The following NADSYN1 variants were observed in gnomAD, a reference collection of about 807,000 sequenced individuals.
NADSYN1 encodes NAD synthetase 1, also known as glutamine-dependent NAD(+) synthetase.
NADSYN1 carries 80 observed loss-of-function variants against 99.3 expected under a neutral mutation model. The ratio of observed to expected loss-of-function variants is 0.81; its 90% CI spans 0.67 to 0.97. The LOEUF (loss-of-function observed/expected upper bound fraction) is 0.97, where lower values mean the gene tolerates loss of function less well. NADSYN1 is among the 50% of genes least tolerant of loss of function. The pLI, the probability that NADSYN1 is intolerant of heterozygous loss-of-function variation, is 0.00. For missense variants in NADSYN1, 859 were observed against 948.5 expected (o/e 0.91, Z 1.24); for synonymous variants, 385 against 372.1 (o/e 1.03, Z -0.40).
chr11:71,492,487 G>A (rs1049744656), intron 18 of NADSYN1, among the ~76,000 whole-genome samples: 1 of 152,172 alleles, frequency 6.6e-6, no homozygotes, highest in Non-Finnish European at 1.5e-5. Flanking sequence ...TCCTTTGCAT[G>A]GGAATATCCA....
chr11:71,458,658 A>G, intron 3 of NADSYN1, 114 bp downstream of exon 3: 1 of 754,416 alleles, frequency 1.3e-6, no homozygotes, highest in Non-Finnish European at 2.3e-6. Flanking sequence ...GTCCAGGGAT[A>G]CGAAAGGCCT....
intron 17 of NADSYN1, 105 bp from the exon 18 acceptor site, chr11:71,491,729 T>C: frequency 9.8e-7 from 1 of 1,021,326 alleles, no homozygotes; most frequent in East Asian, 2.5e-5. Context: ...GTGAACGGAG[T>C]GGCCGGGACC....
chr11:71,457,996 A>C (rs983020650), intron 2 of NADSYN1, among the ~76,000 whole-genome samples: 2 of 152,300 alleles, frequency 1.3e-5, no homozygotes, highest in African/African-American at 2.4e-5. Flanking sequence ...CATCTGTAGC[A>C]AGAAACACAG....
chr11:71,474,605 G>A, intron 9 of NADSYN1, 79 bp downstream of exon 9: 1 of 1,590,936 alleles, frequency 6.3e-7, no homozygotes, highest in Non-Finnish European at 8.6e-7. Flanking sequence ...CTGTAAGCCG[G>A]GTGCTTAGTG....
In NADSYN1 at chr11:71,482,007, G is replaced by A. The variant is rs766035231; in HGVS notation, c.1132G>A (p.Glu378Lys). 5.6e-6 allele frequency: 9 copies of A among 1,611,526 alleles called. No individual in the cohort carries two copies. Among genetic ancestry groups the A allele is most frequent in the Middle Eastern group, 1.7e-4 (1 of 6,054 alleles). The change falls in exon 13 of 21, where the codon GAG becomes AAG. Residue 378 changes from glutamate (E) to lysine (K), a missense_variant. Transcript: ENST00000319023. ...CTACTCCATGTGCTGCCAGGTCTGCGAGGCCGTGAGGAGTGGAAGTAGGTG... is the reference window on the plus strand; with the variant it reads ...CTACTCCATGTGCTGCCAGGTCTGCAAGGCCGTGAGGAGTGGAAGTAGGTG... Reference protein sequence around the residue: ...LIYSMCCQVCEAVRSGNEEVL... With the variant: ...LIYSMCCQVCKAVRSGNEEVL...
intron 9 of NADSYN1, chr11:71,475,290 G>C (rs1374599847): frequency 6.5e-6 from 1 of 154,308 alleles, no homozygotes; most frequent in African/African-American, 2.4e-5. Context: ...GGAGACCCCA[G>C]GACACTCTGG....
At chr11:71,482,683 G>A (rs1460075632) in intron 13 of NADSYN1, 166 bp from the exon 14 acceptor site, 20 of 539,076 alleles carry the variant, frequency 3.7e-5, no homozygotes, top group South Asian at 2.2e-4. Context: ...GGGTGGAGCC[G>A]CACAGGCACC....
chr11:71,477,253 G>A, intron 9 of NADSYN1: 2 of 1,226,540 alleles, frequency 1.6e-6, no homozygotes. Context: ...GGGGAGAGTG[G>A]GATGGAGCCA....
rs12274022 is a variant in NADSYN1, at chr11:71,475,959, G to A, written c.798+1433G>A. 3.7e-3 allele frequency: 1,656 copies of A among 450,138 alleles called. 35 individuals are homozygous for A. Among genetic ancestry groups the A allele is most frequent in the African/African-American group, 0.03 (1,492 of 49,886 alleles). 27.9% of individuals were successfully genotyped at this position (450,138 alleles called of 1,614,324 possible). A position where few individuals can be genotyped will look rare whatever the true frequency, so the allele number is the denominator to read the frequency against. ...AAACTCCTGAGCTCAGGCAATCCAC[G>A]CACCTCAGCCTCCCAAAGTGCTGGG... On this transcript the variant is annotated intron_variant, in intron 9 of 20. Coordinates refer to ENST00000319023, the MANE Select transcript of NADSYN1 (RefSeq NM_018161.5).
rs767656918 is a variant in NADSYN1, at chr11:71,455,129, CAG to C, written c.108_109del (p.Gly37SerfsTer83). 6.2e-7 allele frequency: 1 copy of C among 1,613,888 alleles called. No individual in the cohort carries two copies. The highest frequency in any genetic ancestry group is 8.5e-7 in the Non-Finnish European group (1 of 1,179,884). ...ILKSIEIAKN[R>X]GARYRLGPEL... ...TTACAGGTATTGAAATTGCCAAAAA[CAG>C]AGGAGCAAGATACAGGCTTGGACCA... On this transcript the variant is annotated frameshift_variant, in exon 2 of 21. Transcript: ENST00000319023. LOFTEE classifies it high-confidence loss of function.
chr11:71,476,680 G>C (rs898139886), intron 9 of NADSYN1: 1 of 983,788 alleles, frequency 1.0e-6, no homozygotes. Flanking sequence ...TGAAGAGAAG[G>C]ATTAAGTTCC....
chr11:71,454,893 G>A (rs1036598608), intron 1 of NADSYN1, among the ~76,000 whole-genome samples: 5 of 94,548 alleles, frequency 5.3e-5, no homozygotes, highest in Non-Finnish European at 1.0e-4. Flanking sequence ...AGGTGCAGGC[G>A]TACTCGTGTA....
chr11:71,464,268 A>AAC (rs1234696359), intron 5 of NADSYN1, 126 bp downstream of exon 5: 1 of 737,462 alleles, frequency 1.4e-6, no homozygotes, highest in African/African-American at 1.8e-5. Context: ...TTGAACAAAG[A>AAC]ATGGGACAAA....
chr11:71,480,651 A>G (rs536355543), intron 10 of NADSYN1, 104 bp from the exon 11 acceptor site: 1 of 1,562,364 alleles, frequency 6.4e-7, no homozygotes, highest in Non-Finnish European at 8.7e-7. Flanking sequence ...TGGTTTTGAC[A>G]TGCGTTTCTG....
chr11:71,493,581 A>T (rs759252632), intron 18 of NADSYN1, among the ~76,000 whole-genome samples: 124 of 121,194 alleles, frequency 1.0e-3, no homozygotes, highest in Non-Finnish European at 8.8e-4. Context: ...AAAGCAAAAT[A>T]AAAAAAAAAT....
intron 1 of NADSYN1, 40 bp downstream of exon 1, chr11:71,453,421 C>T: frequency 6.4e-7 from 1 of 1,570,454 alleles, no homozygotes; most frequent in Non-Finnish European, 8.7e-7. Context: ...TGGGGTGGCG[C>T]ACGGGCACCG....
intron 3 of NADSYN1, among the ~76,000 whole-genome samples, chr11:71,459,303 G>A (rs888388854): frequency 3.4e-5 from 5 of 146,754 alleles, no homozygotes; most frequent in Non-Finnish European, 7.5e-5. Context: ...CTCTGTGTGC[G>A]CTGTGCTGGC....
chr11:71,472,573 G>A (rs1949634366), intron 6 of NADSYN1, 73 bp downstream of exon 6: 2 of 1,396,692 alleles, frequency 1.4e-6, no homozygotes, highest in African/African-American at 2.8e-5. Flanking sequence ...ACCAGGTGGG[G>A]CGGGAACGCT....
intron 1 of NADSYN1, among the ~76,000 whole-genome samples, chr11:71,453,843 T>C (rs1029471611): frequency 3.3e-5 from 5 of 152,070 alleles, no homozygotes; most frequent in African/African-American, 9.7e-5. Context: ...AAAAGACGCC[T>C]GTCATCCCAG....
Sources: gnomAD v4.1 joint callset for allele counts (sites outside exome capture counted in the v4.1 genomes callset) on GRCh38, gnomAD v4.1.1 for gene constraint, MANE v1.5 for transcripts, NCBI Gene and HGNC (gene_info 2026-07-23, HGNC 2026-07-21) for gene names.